CREB5: variants seen among roughly 807,000 people sequenced by gnomAD.
The protein encoded by CREB5 is cyclic AMP-responsive element-binding protein 5.
A neutral mutation model predicts 57.1 loss-of-function variants in CREB5; 19 were observed. The observed-to-expected ratio is 0.33, with a 90% confidence interval of 0.23 to 0.49. The LOEUF (loss-of-function observed/expected upper bound fraction) is 0.49. Ranked by LOEUF, CREB5 falls within the 20% of genes least tolerant of loss-of-function variation. CREB5 has a pLI of 0.99. For synonymous variants in CREB5, 238 were observed against 238.3 expected (o/e 1.00, Z 0.01); for missense variants, 579 against 671.6 (o/e 0.86, Z 1.52).
At chr7:28,818,445 A>G (rs1206353719) in intron 10 of CREB5, among the ~76,000 whole-genome samples, 3 of 152,188 alleles carry the variant, frequency 2.0e-5, no homozygotes, top group Non-Finnish European at 4.4e-5. Context: ...ACCAAATTCC[A>G]ATTTTGCAGC....
intron 4 of CREB5, among the ~76,000 whole-genome samples, chr7:28,514,445 G>A (rs1212236862): frequency 6.6e-6 from 1 of 152,068 alleles, no homozygotes; most frequent in Non-Finnish European, 1.5e-5. Context: ...GCCCAGGCTG[G>A]AGTGCAGTGG....
chr7:28,536,327 C>T (rs1793965890), intron 4 of CREB5, among the ~76,000 whole-genome samples: 1 of 152,130 alleles, frequency 6.6e-6, no homozygotes, highest in South Asian at 2.1e-4. Context: ...CTCTCAGAGT[C>T]TGTCTGTTTC....
intron 1 of CREB5, among the ~76,000 whole-genome samples, chr7:28,472,766 G>A (rs2128583592): frequency 6.6e-6 from 1 of 152,252 alleles, no homozygotes; most frequent in Middle Eastern, 3.4e-3. Context: ...GACGATCCAA[G>A]GTCTCTCTCT....
intron 5 of CREB5, among the ~76,000 whole-genome samples, chr7:28,638,264 G>GACACAC (rs56956362): frequency 0.057 from 8,350 of 145,696 alleles, 284 homozygotes; most frequent in African/African-American, 0.088. Context: ...AAAGAAACTA[G>GACACAC]ACACACACAC....
intron 7 of CREB5, among the ~76,000 whole-genome samples, chr7:28,760,120 A>G (rs1805558935): frequency 6.6e-6 from 1 of 152,244 alleles, no homozygotes; most frequent in Non-Finnish European, 1.5e-5. Flanking sequence ...TGAACAATAG[A>G]AATACTTCTC....
chr7:28,343,392 C>T (rs192728020), intron 1 of CREB5, among the ~76,000 whole-genome samples: 1 of 152,302 alleles, frequency 6.6e-6, no homozygotes, highest in East Asian at 1.9e-4. Flanking sequence ...TTCTGTTCTC[C>T]ATTTCTGTGA....
intron 1 of CREB5, among the ~76,000 whole-genome samples, chr7:28,356,494 T>C (rs867204440): frequency 1.3e-4 from 20 of 152,344 alleles, no homozygotes; most frequent in African/African-American, 4.1e-4. Flanking sequence ...TTACCCAGGC[T>C]GGCCCACAGA....
chr7:28,414,287 C>T (rs376753577), intron 1 of CREB5, among the ~76,000 whole-genome samples: 1 of 148,694 alleles, frequency 6.7e-6, no homozygotes, highest in African/African-American at 2.5e-5. Flanking sequence ...AATTTAAGGT[C>T]TTTTTTTTTT....
intron 1 of CREB5, among the ~76,000 whole-genome samples, chr7:28,308,349 G>A (rs1562650474): frequency 6.6e-6 from 1 of 152,212 alleles, no homozygotes; most frequent in Non-Finnish European, 1.5e-5. Flanking sequence ...CCGCTCTAGT[G>A]CTTTCGACTA....
rs908792259 is a variant in CREB5, at chr7:28,649,549, G to A, written c.465-69204G>A. ...TGTGCCAACCTCTGACCTTGCAGATGACATATAGTATGGGTCATACTCCAA... is the reference window on the plus strand; with the variant it reads ...TGTGCCAACCTCTGACCTTGCAGATAACATATAGTATGGGTCATACTCCAA... On this transcript the variant is annotated intron_variant, in intron 5 of 10. Coordinates refer to ENST00000357727, the MANE Select transcript of CREB5 (RefSeq NM_182898.4). Among the ~76,000 whole-genome samples, 6 of 152,242 alleles carry A rather than the reference G, an allele frequency of 3.9e-5. No individual in the cohort carries two copies. The South Asian group carries it at 1.2e-3, about 32-fold the overall frequency.
chr7:28,788,336 A>G (rs1562641523), intron 7 of CREB5, among the ~76,000 whole-genome samples: 1 of 152,248 alleles, frequency 6.6e-6, no homozygotes, highest in Non-Finnish European at 1.5e-5. Context: ...AGTTGAGAAC[A>G]ACTAGGTTAA....
intron 5 of CREB5, among the ~76,000 whole-genome samples, chr7:28,666,827 G>C (rs1799844634): frequency 6.6e-6 from 1 of 151,892 alleles, no homozygotes; most frequent in African/African-American, 2.4e-5. Flanking sequence ...CAGCTACTTG[G>C]AGGCTGAGGC....
rs138833635 is a variant in CREB5, at chr7:28,751,679, T to G, written c.702+27347T>G. 6.3e-3 allele frequency among the ~76,000 whole-genome samples: 958 copies of G among 152,350 alleles called. 10 individuals carry two copies. Among genetic ancestry groups the G allele is most frequent in the African/African-American group, 0.022 (916 of 41,588 alleles). On this transcript the variant is annotated intron_variant, in intron 7 of 10. Transcript: ENST00000357727. The stretch of plus-strand genomic sequence containing the variant: ...TACAGAGTTCCGATACACACCAAGC[T>G]TCCTCTAATGTTAACATCTTATACA...
At chr7:28,479,835 C>T (rs1383334809) in intron 1 of CREB5, among the ~76,000 whole-genome samples, 1 of 152,140 alleles carries the variant, frequency 6.6e-6, no homozygotes, top group Non-Finnish European at 1.5e-5. Flanking sequence ...CCTGGTTTCG[C>T]CGAAAGCAGA....
At chr7:28,556,369 C>A (rs1052971086) in intron 4 of CREB5, among the ~76,000 whole-genome samples, 1 of 152,100 alleles carries the variant, frequency 6.6e-6, no homozygotes, top group African/African-American at 2.4e-5. Context: ...TTCAGAGGAG[C>A]CACGCTTGCC....
At chr7:28,744,433 C>T (rs376718945) in intron 7 of CREB5, among the ~76,000 whole-genome samples, 12 of 149,854 alleles carry the variant, frequency 8.0e-5, no homozygotes, top group Non-Finnish European at 1.2e-4. Context: ...CTGCAGCTTC[C>T]GCCTCCCACG....
chr7:28,761,113 A>T lies in CREB5; in HGVS notation c.702+36781A>T, dbSNP rs1380636070. Among the ~76,000 whole-genome samples the T allele has an allele frequency of 7.2e-5, 11 of 152,338 alleles. No homozygotes were observed. In the South Asian group the frequency reaches 2.3e-3, roughly 32 times the overall value. On this transcript the variant is annotated intron_variant, in intron 7 of 10. Coordinates refer to ENST00000357727, the MANE Select transcript of CREB5 (RefSeq NM_182898.4). ...GTAGAGAACTGACAAAGCACACAACAGTATATGATTGACAGGGTTAGAAAG... is the reference window on the plus strand; with the variant it reads ...GTAGAGAACTGACAAAGCACACAACTGTATATGATTGACAGGGTTAGAAAG...
intron 1 of CREB5, among the ~76,000 whole-genome samples, chr7:28,333,618 G>C (rs1352926128): frequency 1.3e-5 from 2 of 151,882 alleles, no homozygotes; most frequent in Non-Finnish European, 2.9e-5. Flanking sequence ...TTAATTTTTA[G>C]CTTCCACAAA....
At chr7:28,464,663 A>G (rs926988597) in intron 1 of CREB5, among the ~76,000 whole-genome samples, 1 of 151,598 alleles carries the variant, frequency 6.6e-6, no homozygotes, top group African/African-American at 2.4e-5. Context: ...TGACTTGTTC[A>G]CAATACAGTT....
Sources: gnomAD v4.1 joint callset for allele counts (sites outside exome capture counted in the v4.1 genomes callset) on GRCh38, gnomAD v4.1.1 for gene constraint, MANE v1.5 for transcripts, NCBI Gene and HGNC (gene_info 2026-07-23, HGNC 2026-07-21) for gene names.